The following GLCCI1 variants were observed in gnomAD, a reference collection of about 807,000 sequenced individuals.
GLCCI1 encodes the protein glucocorticoid induced 1, also known as glucocorticoid-induced transcript 1 protein.
A neutral mutation model predicts 52.2 loss-of-function variants in GLCCI1; 24 were observed. The observed-to-expected ratio is 0.46, with a 90% CI of 0.33 to 0.65. The LOEUF (loss-of-function observed/expected upper bound fraction) is 0.65. Ranked by LOEUF, GLCCI1 falls within the 30% of genes least tolerant of loss-of-function variation. The pLI is 0.02. For missense variants in GLCCI1, 704 were observed against 701.5 expected, an observed-to-expected ratio of 1.00 and a Z score of -0.04; for synonymous variants, 310 against 276.5, an observed-to-expected ratio of 1.12 and a Z score of -1.20.
chr7:8,043,331 TAAA>T (rs59268355), intron 3 of GLCCI1, among the ~76,000 whole-genome samples: 1 of 142,832 alleles, frequency 7.0e-6, no homozygotes. Context: ...AATGCTGTGG[TAAA>T]AAAAAAAAAA....
At chr7:8,018,630 T>C (rs752048331) in intron 2 of GLCCI1, among the ~76,000 whole-genome samples, 8 of 152,164 alleles carry the variant, frequency 5.3e-5, no homozygotes, top group Admixed American at 3.3e-4. Context: ...CTTTGGAGAC[T>C]TCCAGGGAGT....
intron 1 of GLCCI1, among the ~76,000 whole-genome samples, chr7:7,975,740 C>G (rs1394524684): frequency 6.6e-6 from 1 of 152,136 alleles, no homozygotes; most frequent in African/African-American, 2.4e-5. Context: ...TTCTCCATTT[C>G]TTTCTTGCAT....
At position 8,077,556 on chromosome 7, in the gene GLCCI1, T is replaced by C. The variant is rs150936972; in HGVS notation, c.1177+6425T>C. Among the ~76,000 whole-genome samples the C allele has an allele frequency of 3.3e-5, 5 of 152,324 alleles. No homozygotes were observed. In the East Asian group the frequency reaches 9.6e-4, roughly 29 times the overall value. On this transcript the variant is annotated intron_variant, in intron 6 of 7. Coordinates refer to ENST00000223145, the MANE Select transcript of GLCCI1 (RefSeq NM_138426.4). ...AATTATGTGCCCTTGGACAAGCTAC[T>C]CAATCGATCTGTATCTCCTCACCTA...
intron 1 of GLCCI1, among the ~76,000 whole-genome samples, chr7:7,990,606 A>G (rs1398428612): frequency 1.3e-5 from 2 of 152,104 alleles, no homozygotes; most frequent in African/African-American, 2.4e-5. Context: ...GTATGCAGAC[A>G]TAGACTGGTG....
At chr7:7,995,059 C>T (rs368050116) in intron 1 of GLCCI1, among the ~76,000 whole-genome samples, 1 of 152,284 alleles carries the variant, frequency 6.6e-6, no homozygotes, top group Non-Finnish European at 1.5e-5. Context: ...TATGTATGGA[C>T]ATCAATCCCA....
At chr7:8,006,672 C>T (rs900470629) in intron 2 of GLCCI1, among the ~76,000 whole-genome samples, 6 of 152,158 alleles carry the variant, frequency 3.9e-5, no homozygotes, top group South Asian at 2.1e-4. Flanking sequence ...GTCCTCCCCC[C>T]ACTACCCAAT....
At chr7:8,040,807 A>T (rs1233759103) in intron 3 of GLCCI1, among the ~76,000 whole-genome samples, 1 of 152,242 alleles carries the variant, frequency 6.6e-6, no homozygotes, top group Non-Finnish European at 1.5e-5. Flanking sequence ...TCGCAGCATC[A>T]TTCAAACTTA....
chr7:8,005,966 G>T (rs1781141061), intron 2 of GLCCI1, among the ~76,000 whole-genome samples: 2 of 151,932 alleles, frequency 1.3e-5, no homozygotes, highest in Non-Finnish European at 2.9e-5. Flanking sequence ...GCCCAGCCAA[G>T]TTTTTGTATT....
intron 2 of GLCCI1, among the ~76,000 whole-genome samples, chr7:8,015,991 G>A (rs1352825652): frequency 1.3e-5 from 2 of 152,134 alleles, no homozygotes; most frequent in East Asian, 3.8e-4. Context: ...TGTGAAATAG[G>A]TTGTATTTAT....
At chr7:7,985,257 A>T (rs1268880892) in intron 1 of GLCCI1, among the ~76,000 whole-genome samples, 1 of 152,098 alleles carries the variant, frequency 6.6e-6, no homozygotes, top group Non-Finnish European at 1.5e-5. Flanking sequence ...GGAAGGAAGG[A>T]GGGAGAGAGA....
chr7:8,045,091 A>G (rs986073625), intron 3 of GLCCI1, among the ~76,000 whole-genome samples: 2 of 152,216 alleles, frequency 1.3e-5, no homozygotes, highest in Admixed American at 1.3e-4. Context: ...ATAAAGACCA[A>G]AAAACTTGTA....
At chr7:8,003,811 A>G (rs1226847958) in intron 1 of GLCCI1, 97 bp from the exon 2 acceptor site, 1 of 1,103,622 alleles carries the variant, frequency 9.1e-7, no homozygotes, top group Middle Eastern at 2.2e-4. Context: ...TATCACAGGA[A>G]AAATTGACAG....
In GLCCI1 at chr7:7,969,925, G is replaced by T; in HGVS notation, c.457+118G>T. ...GTGCATTATCGAAGGTGTGAAAGTG[G>T]CTTTGGGAATCTCACCCCCCTGCGG... On this transcript the variant is annotated intron_variant, in intron 1 of 7. Coordinates refer to ENST00000223145, the MANE Select transcript of GLCCI1 (RefSeq NM_138426.4). The surrounding 1 kb of genome is among the most constrained non-coding windows in gnomAD (Gnocchi z 4.9). The T allele has an allele frequency of 9.0e-7, 1 of 1,110,760 alleles. No homozygotes were observed. The highest frequency in any genetic ancestry group is 1.1e-6 in the Non-Finnish European group (1 of 903,578). The allele number at this position is 1,110,760 out of a possible 1,614,324, so 68.8% of individuals were successfully genotyped here. A position where few individuals can be genotyped will look rare whatever the true frequency, so the allele number is the denominator to read the frequency against.
chr7:8,018,817 T>C (rs1290446008), intron 2 of GLCCI1, among the ~76,000 whole-genome samples: 1 of 152,178 alleles, frequency 6.6e-6, no homozygotes, highest in East Asian at 1.9e-4. Flanking sequence ...TTTCCTAAAT[T>C]TATTTAACTG....
rs770835477 is a variant in GLCCI1 at position 8,089,076 on chromosome 7, T to C, written c.*2538T>C. 2.0e-5 allele frequency: 3 copies of C among 152,466 alleles called. No individual in the cohort carries two copies. The highest frequency in any genetic ancestry group is 4.4e-5 in the Non-Finnish European group (3 of 68,046). The allele number at this position is 152,466 out of a possible 1,614,324, so 9.4% of individuals were successfully genotyped here. ...ATTTAAATAAAGTTATTAGTAAAAC[T>C]GAAATAGTTCACACATGTTTTTGGA... is the stretch of plus-strand genomic sequence containing the variant. On this transcript the variant is annotated 3_prime_UTR_variant, in exon 8 of 8. Transcript: ENST00000223145.
chr7:7,979,668 A>G (rs1482042806), intron 1 of GLCCI1, among the ~76,000 whole-genome samples: 1 of 152,218 alleles, frequency 6.6e-6, no homozygotes, highest in Non-Finnish European at 1.5e-5. Flanking sequence ...ACATTAGTGC[A>G]GAAGTCTGAA....
At chr7:8,074,275 A>G (rs1246810436) in intron 6 of GLCCI1, among the ~76,000 whole-genome samples, 3 of 152,184 alleles carry the variant, frequency 2.0e-5, no homozygotes, top group African/African-American at 7.2e-5. Context: ...TTAGAATACT[A>G]AAAGTGTAAA....
intron 2 of GLCCI1, among the ~76,000 whole-genome samples, chr7:8,016,018 A>T (rs1271006385): frequency 6.6e-6 from 1 of 152,026 alleles, no homozygotes; most frequent in Admixed American, 6.5e-5. Context: ...TAACACTCTT[A>T]CTCTGGTCCC....
At chr7:7,975,883 C>T (rs890355707) in intron 1 of GLCCI1, among the ~76,000 whole-genome samples, 1 of 152,244 alleles carries the variant, frequency 6.6e-6, no homozygotes, top group East Asian at 1.9e-4. Flanking sequence ...TATTCAGAAT[C>T]GGTACTGTCC....
Sources: allele counts gnomAD v4.1 joint callset (sites outside exome capture counted in the v4.1 genomes callset), GRCh38; gene constraint gnomAD v4.1.1; non-coding constraint Gnocchi (gnomAD v3.1); transcripts MANE v1.5; gene names NCBI Gene and HGNC (gene_info 2026-07-23, HGNC 2026-07-21).